Variants in CEP112 observed in about 807,000 individuals in gnomAD.
CEP112 encodes centrosomal protein 112.
CEP112 carries 127 observed loss-of-function variants against 153.0 expected under a neutral mutation model. That is an observed-to-expected ratio of 0.83 (90% CI 0.72 to 0.96). CEP112 has a LOEUF of 0.96. CEP112 is among the 40% of genes least tolerant of loss of function. CEP112 has a pLI of 0.00. For missense variants in CEP112, 1,089 were observed against 1,101.2 expected (o/e 0.99, Z 0.16); for synonymous variants, 358 against 374.4 (o/e 0.96, Z 0.51).
At chr17:65,892,191 C>T (rs1272406103) in intron 20 of CEP112, among the ~76,000 whole-genome samples, 1 of 152,178 alleles carries the variant, frequency 6.6e-6, no homozygotes, top group East Asian at 1.9e-4. Flanking sequence ...TAAAGGTGTG[C>T]ATGCCCAGCC....
chr17:65,689,575 T>C (rs1315385320), intron 23 of CEP112, among the ~76,000 whole-genome samples: 1 of 152,204 alleles, frequency 6.6e-6, no homozygotes, highest in Non-Finnish European at 1.5e-5. Flanking sequence ...AATGTACACT[T>C]ACACTCTGAA....
In CEP112 at chr17:65,832,833, C is replaced by G. The variant is rs1419749530; in HGVS notation, c.2394+18971G>C. Among the ~76,000 whole-genome samples, 4 of 152,230 alleles carry G rather than the reference C, an allele frequency of 2.6e-5. No homozygotes were observed. In the East Asian group the frequency reaches 7.7e-4, roughly 29 times the overall value. On this transcript the variant is annotated intron_variant, in intron 21 of 26. Transcript: ENST00000535342. ...ATTTCAAAAAATTGAGGAGGAGGGA[C>G]TCCTCCCCAACGCATTCTATGAGGC...
At chr17:65,639,424 T>C (rs1315408338) in intron 25 of CEP112, among the ~76,000 whole-genome samples, 1 of 152,098 alleles carries the variant, frequency 6.6e-6, no homozygotes, top group Non-Finnish European at 1.5e-5. Context: ...CGGTGGCTCA[T>C]GCTTGCAAAA....
chr17:65,987,689 T>C (rs1568342547), intron 17 of CEP112, among the ~76,000 whole-genome samples: 1 of 152,008 alleles, frequency 6.6e-6, no homozygotes, highest in East Asian at 1.9e-4. Flanking sequence ...AGAACTCAAA[T>C]ATGAGAATGA....
At chr17:66,030,953 C>T (rs2065437517) in intron 12 of CEP112, among the ~76,000 whole-genome samples, 3 of 152,116 alleles carry the variant, frequency 2.0e-5, no homozygotes, top group African/African-American at 2.4e-5. Flanking sequence ...TTCATCTCAT[C>T]CTTTCTTCAT....
chr17:65,821,755 T>C (rs1223037115), intron 21 of CEP112, among the ~76,000 whole-genome samples: 2 of 150,846 alleles, frequency 1.3e-5, no homozygotes, highest in East Asian at 2.0e-4. Flanking sequence ...TTTCGCCATG[T>C]TGGCCAGGCT....
intron 23 of CEP112, among the ~76,000 whole-genome samples, chr17:65,727,537 C>T (rs965580817): frequency 6.6e-6 from 1 of 152,120 alleles, no homozygotes; most frequent in Non-Finnish European, 1.5e-5. Flanking sequence ...ATAAGAAATA[C>T]ATTCAAGGAC....
intron 24 of CEP112, among the ~76,000 whole-genome samples, chr17:65,648,731 CAT>C (rs1292615117): frequency 6.6e-6 from 1 of 152,106 alleles, no homozygotes; most frequent in Admixed American, 6.6e-5. Context: ...AGAACTAAAA[CAT>C]ATTTTATGAT....
At chr17:65,689,094 T>TA in intron 24 of CEP112, 35 bp downstream of exon 24, 1 of 1,460,704 alleles carries the variant, frequency 6.8e-7, no homozygotes, top group Non-Finnish European at 9.6e-7. Context: ...CTAGAGAAAG[T>TA]AAACAAGAGA....
chr17:65,924,442 T>C (rs559989173), intron 19 of CEP112, among the ~76,000 whole-genome samples: 2 of 152,302 alleles, frequency 1.3e-5, no homozygotes, highest in East Asian at 3.9e-4. Flanking sequence ...TGAATTAGTT[T>C]TTTTGGAACA....
At chr17:65,717,086 A>G (rs569290458) in intron 23 of CEP112, among the ~76,000 whole-genome samples, 4 of 152,244 alleles carry the variant, frequency 2.6e-5, no homozygotes, top group Non-Finnish European at 5.9e-5. Flanking sequence ...TTCTATTTAC[A>G]TGTTCCATTT....
At chr17:65,816,603 T>C (rs1234681130) in intron 21 of CEP112, among the ~76,000 whole-genome samples, 1 of 151,978 alleles carries the variant, frequency 6.6e-6, no homozygotes, top group South Asian at 2.1e-4. Context: ...ATTACATTGA[T>C]TTTTTAAAAA....
chr17:65,655,946 C>T (rs1024748697), intron 24 of CEP112, among the ~76,000 whole-genome samples: 8 of 152,186 alleles, frequency 5.3e-5, no homozygotes, highest in African/African-American at 1.4e-4. Flanking sequence ...TTTCTCAAGA[C>T]ACATGTAGCG....
intron 18 of CEP112, among the ~76,000 whole-genome samples, chr17:65,937,545 C>G (rs1376118832): frequency 9.1e-6 from 1 of 110,460 alleles, no homozygotes; most frequent in African/African-American, 3.3e-5. Context: ...GCCCGGCCAG[C>G]CGCCCCGTCC....
chr17:65,687,549 GTATATGTA>G (rs2047874868), intron 24 of CEP112, among the ~76,000 whole-genome samples: 1 of 151,962 alleles, frequency 6.6e-6, no homozygotes, highest in Non-Finnish European at 1.5e-5. Context: ...TATATAAAAC[GTATATGTA>G]TATATGTATA....
rs1314856242 is a variant in CEP112 at position 65,743,688 on chromosome 17, T to G, written c.2458-471A>C. ...GGAATTCACTAATGTTTGTGTATTG[T>G]GTTTAACACTTTAAGTTCTTATGTC... On this transcript the variant is annotated intron_variant, in intron 22 of 26. Transcript: ENST00000535342. Among the ~76,000 whole-genome samples the G allele has an allele frequency of 2.0e-5, 3 of 152,238 alleles. No individual in the cohort carries two copies. The East Asian group carries it at 5.8e-4, about 29-fold the overall frequency.
At chr17:65,989,489 C>A (rs1319363004) in intron 17 of CEP112, among the ~76,000 whole-genome samples, 1 of 130,258 alleles carries the variant, frequency 7.7e-6, no homozygotes, top group African/African-American at 2.9e-5. Flanking sequence ...AAAAAAAAAA[C>A]TGTCATACAA....
intron 19 of CEP112, among the ~76,000 whole-genome samples, chr17:65,905,186 A>AC (rs2060022727): frequency 6.6e-6 from 1 of 152,124 alleles, no homozygotes; most frequent in East Asian, 1.9e-4. Context: ...ATGGGAGAAA[A>AC]TTTTTGCAAT....
intron 6 of CEP112, among the ~76,000 whole-genome samples, chr17:66,110,959 T>A (rs1183850941): frequency 6.6e-6 from 1 of 152,080 alleles, no homozygotes; most frequent in Non-Finnish European, 1.5e-5. Flanking sequence ...AATGTTTGCA[T>A]CTGACTAGGG....
Sources: gnomAD v4.1 joint callset for allele counts (sites outside exome capture counted in the v4.1 genomes callset) on GRCh38, gnomAD v4.1.1 for gene constraint, MANE v1.5 for transcripts, NCBI Gene and HGNC (gene_info 2026-07-23, HGNC 2026-07-21) for gene names.